The following LDLRAD4 variants were observed in gnomAD, a reference collection of about 807,000 sequenced individuals.
LDLRAD4 encodes low-density lipoprotein receptor class A domain-containing protein 4.
LDLRAD4 carries 5 observed loss-of-function variants against 17.0 expected under a neutral mutation model. That is an observed-to-expected ratio of 0.29 (90% CI 0.15 to 0.62). LDLRAD4 has a LOEUF of 0.62. Ranked by LOEUF, LDLRAD4 falls within the 20% of genes least tolerant of loss-of-function variation. The pLI, the probability that LDLRAD4 is intolerant of heterozygous loss-of-function variation, is 0.84. For missense variants in LDLRAD4, 340 were observed against 424.7 expected, an observed-to-expected ratio of 0.80 and a Z score of 1.75; for synonymous variants, 168 against 171.8, an observed-to-expected ratio of 0.98 and a Z score of 0.17.
At chr18:13,550,914 G>A (rs1207607954) in intron 3 of LDLRAD4, among the ~76,000 whole-genome samples, 1 of 152,126 alleles carries the variant, frequency 6.6e-6, no homozygotes, top group Non-Finnish European at 1.5e-5. Flanking sequence ...GAGTACAGAT[G>A]CTGTCACCGT....
chr18:13,448,406 G>C (rs28380751), intron 3 of LDLRAD4, among the ~76,000 whole-genome samples: 4,106 of 152,204 alleles, frequency 0.027, 185 homozygotes, highest in African/African-American at 0.095. Context: ...TTCATGCTGG[G>C]TCTCTTCCGG....
intron 3 of LDLRAD4, chr18:13,515,044 G>A (rs1412968812): frequency 6.6e-6 from 1 of 152,178 alleles, no homozygotes; most frequent in Non-Finnish European, 1.5e-5. Context: ...TTTCTTTGTG[G>A]ACATTTTGCT....
chr18:13,412,334 C>A (rs2088451607), intron 2 of LDLRAD4, among the ~76,000 whole-genome samples: 1 of 152,222 alleles, frequency 6.6e-6, no homozygotes, highest in Non-Finnish European at 1.5e-5. Context: ...TCTGTTCTTT[C>A]CAGCTCTTAA....
At chr18:13,459,036 A>C (rs938507016) in intron 3 of LDLRAD4, among the ~76,000 whole-genome samples, 2 of 152,124 alleles carry the variant, frequency 1.3e-5, no homozygotes, top group African/African-American at 2.4e-5. Context: ...TTTTAAGGCC[A>C]GGTGTGGTGG....
chr18:13,560,439 G>T (rs896009780), intron 3 of LDLRAD4, among the ~76,000 whole-genome samples: 1 of 152,178 alleles, frequency 6.6e-6, no homozygotes, highest in African/African-American at 2.4e-5. Context: ...GTCCTTGAAG[G>T]GACCTGCATC....
At chr18:13,619,827 G>A (rs1464710978) in intron 3 of LDLRAD4, among the ~76,000 whole-genome samples, 1 of 152,058 alleles carries the variant, frequency 6.6e-6, no homozygotes, top group Non-Finnish European at 1.5e-5. Flanking sequence ...CTGCCTGCGG[G>A]GGCAGGGGGC....
chr18:13,258,245 C>A (rs1002405213), intron 1 of LDLRAD4, among the ~76,000 whole-genome samples: 1 of 152,192 alleles, frequency 6.6e-6, no homozygotes, highest in Non-Finnish European at 1.5e-5. Context: ...TAATCAGACA[C>A]CTTCAGTAGG....
intron 3 of LDLRAD4, among the ~76,000 whole-genome samples, chr18:13,525,914 A>G (rs2094024411): frequency 6.6e-6 from 1 of 152,214 alleles, no homozygotes; most frequent in Non-Finnish European, 1.5e-5. Context: ...TCCAAAGGAT[A>G]TCTTGCGCCC....
At chr18:13,651,640 A>T (rs1281150944) in exon 6 of LDLRAD4, 1 of 152,244 alleles carries the variant, frequency 6.6e-6, no homozygotes, top group East Asian at 1.9e-4. Context: ...AAAACAAAAG[A>T]ACAAGAAAAG....
intron 4 of LDLRAD4, among the ~76,000 whole-genome samples, chr18:13,629,479 C>A (rs2041474089): frequency 6.6e-6 from 1 of 152,180 alleles, no homozygotes; most frequent in Non-Finnish European, 1.5e-5. Flanking sequence ...TGCAGTAAAA[C>A]TTTTATGGTA....
At position 13,234,153 on chromosome 18, in the gene LDLRAD4, C is replaced by G. The variant is rs534903398; in HGVS notation, c.-467+15165C>G. Among the ~76,000 whole-genome samples the G allele has an allele frequency of 7.2e-5, 11 of 152,344 alleles. No individual in the cohort carries two copies. In the East Asian group the frequency reaches 2.1e-3, roughly 29 times the overall value. On this transcript the variant is annotated intron_variant, in intron 1 of 5. Coordinates refer to the LDLRAD4 transcript ENST00000399848. The stretch of plus-strand genomic sequence containing the variant: ...GCCTCTGACCGGGTGCTGTCCTCCC[C>G]ACCCGCGATGGTCTGGTCTGGATGC...
At chr18:13,605,124 A>T (rs1451606183) in intron 3 of LDLRAD4, among the ~76,000 whole-genome samples, 1 of 152,240 alleles carries the variant, frequency 6.6e-6, no homozygotes. Context: ...GCAGAATTAG[A>T]GTGTTCTCTT....
At position 13,292,225 on chromosome 18, in the gene LDLRAD4, C is replaced by T. The variant is rs188620896; in HGVS notation, c.-383+14037C>T. Among the ~76,000 whole-genome samples the T allele has an allele frequency of 2.5e-3, 388 of 152,310 alleles. 5 individuals carry two copies. The highest frequency in any genetic ancestry group is 8.7e-3 in the African/African-American group (362 of 41,558). The stretch of plus-strand genomic sequence containing the variant: ...CACTGGCTTGGGTGCTTCAGTGGCA[C>T]GTGGCAAACAGCAGCACTGGGTGCA... On this transcript the variant is annotated intron_variant, in intron 1 of 5. Transcript: ENST00000359446.
intron 1 of LDLRAD4, among the ~76,000 whole-genome samples, chr18:13,373,996 G>A (rs2084706396): frequency 2.0e-5 from 3 of 151,628 alleles, no homozygotes; most frequent in Non-Finnish European, 4.4e-5. Flanking sequence ...TTTCCACCAT[G>A]CAAACGTGTG....
intron 1 of LDLRAD4, among the ~76,000 whole-genome samples, chr18:13,257,049 G>A (rs964446830): frequency 5.9e-5 from 9 of 152,224 alleles, no homozygotes; most frequent in Non-Finnish European, 1.3e-4. Context: ...CTTTGACAAT[G>A]GTTTGTATTC....
At chr18:13,371,127 G>A (rs1017491399) in intron 1 of LDLRAD4, among the ~76,000 whole-genome samples, 1 of 152,200 alleles carries the variant, frequency 6.6e-6, no homozygotes, top group Non-Finnish European at 1.5e-5. Flanking sequence ...TGGGCAATGC[G>A]CCCACCAATG....
At chr18:13,496,086 G>C (rs2093464186) in intron 3 of LDLRAD4, among the ~76,000 whole-genome samples, 1 of 152,204 alleles carries the variant, frequency 6.6e-6, no homozygotes. Context: ...GGGAAGGTGA[G>C]TATGCAGGGG....
exon 6 of LDLRAD4, chr18:13,650,056 C>T (rs2043179830): frequency 2.5e-6 from 1 of 398,564 alleles, no homozygotes; most frequent in Admixed American, 4.4e-5. Context: ...TTACCGTTCG[C>T]CATTTCCACC....
chr18:13,461,982 G>C (rs2092449126), intron 3 of LDLRAD4: 1 of 152,152 alleles, frequency 6.6e-6, no homozygotes, highest in Admixed American at 6.5e-5. Context: ...TGGAAAGTTG[G>C]GGTTTTCCTT....
Sources: gnomAD v4.1 joint callset for allele counts (sites outside exome capture counted in the v4.1 genomes callset) on GRCh38, gnomAD v4.1.1 for gene constraint, MANE v1.5 for transcripts, NCBI Gene and HGNC (gene_info 2026-07-23, HGNC 2026-07-21) for gene names.